PRELID2: variants seen among roughly 807,000 people sequenced by gnomAD.
The protein encoded by PRELID2 is PRELI domain containing 2.
Under a neutral mutation model 28.4 loss-of-function variants are expected in PRELID2, and 25 were observed. The ratio of observed to expected loss-of-function variants is 0.88; its 90% CI spans 0.64 to 1.23. The LOEUF is 1.23. Among genes scored for constraint, PRELID2 ranks in the 50% most tolerant of loss-of-function variants. The pLI is 0.00. For synonymous variants in PRELID2, 76 were observed against 71.6 expected, an observed-to-expected ratio of 1.06 and a Z score of -0.31; for missense variants, 201 against 214.4, an observed-to-expected ratio of 0.94 and a Z score of 0.39.
intron 1 of PRELID2, among the ~76,000 whole-genome samples, chr5:145,595,001 G>A (rs2149633554): frequency 6.6e-6 from 1 of 152,086 alleles, no homozygotes; most frequent in South Asian, 2.1e-4. Context: ...GGTGGCGGGT[G>A]CCTATAATCC....
chr5:145,640,478 A>AC (rs1455708681), intron 1 of PRELID2, among the ~76,000 whole-genome samples: 1 of 141,734 alleles, frequency 7.1e-6, no homozygotes, highest in African/African-American at 2.6e-5. Context: ...TCCGTCTCAA[A>AC]AAAAAAAAAA....
intron 5 of PRELID2, among the ~76,000 whole-genome samples, chr5:145,781,436 A>G (rs932555294): frequency 3.9e-5 from 6 of 151,976 alleles, no homozygotes; most frequent in African/African-American, 1.4e-4. Flanking sequence ...AATTCAACAC[A>G]AAGAGCCTAG....
At chr5:145,339,677 A>C in the PRELID2 span, among the ~76,000 whole-genome samples, 1 of 152,134 alleles carries the variant, frequency 6.6e-6, no homozygotes, top group African/African-American at 2.4e-5. Context: ...AAAAAATCCC[A>C]CTGCTGCCAG....
chr5:145,648,939 G>A (rs1754242216), intron 1 of PRELID2, among the ~76,000 whole-genome samples: 1 of 151,914 alleles, frequency 6.6e-6, no homozygotes, highest in African/African-American at 2.4e-5. Context: ...ATGATGCTGT[G>A]AGAGTGATAA....
the PRELID2 span, among the ~76,000 whole-genome samples, chr5:145,369,593 C>T: frequency 6.6e-6 from 1 of 151,932 alleles, no homozygotes; most frequent in Non-Finnish European, 1.5e-5. Flanking sequence ...TATGTGAATG[C>T]ATCTTTATAG....
intron 5 of PRELID2, among the ~76,000 whole-genome samples, chr5:145,791,555 T>C (rs778112151): frequency 2.0e-5 from 3 of 152,138 alleles, no homozygotes; most frequent in Non-Finnish European, 4.4e-5. Context: ...AGAATGGTGG[T>C]TGCCAGGGGC....
At chr5:145,350,539 G>A in the PRELID2 span, among the ~76,000 whole-genome samples, 1 of 152,180 alleles carries the variant, frequency 6.6e-6, no homozygotes, top group Non-Finnish European at 1.5e-5. Flanking sequence ...CCCATCCACG[G>A]AGACTGGAAA....
chr5:145,498,034 T>C (rs1752323400), intron 1 of PRELID2, among the ~76,000 whole-genome samples: 1 of 152,298 alleles, frequency 6.6e-6, no homozygotes. Flanking sequence ...AAAGCCTCCC[T>C]CTGTGGGCAC....
chr5:145,713,133 T>C (rs1168917125), intron 1 of PRELID2, among the ~76,000 whole-genome samples: 6 of 151,628 alleles, frequency 4.0e-5, no homozygotes, highest in Admixed American at 3.3e-4. Flanking sequence ...ATTAATATAA[T>C]GATTACAATC....
At chr5:145,650,484 G>A (rs1013437545) in intron 1 of PRELID2, among the ~76,000 whole-genome samples, 16 of 140,200 alleles carry the variant, frequency 1.1e-4, no homozygotes, top group Admixed American at 7.7e-5. Context: ...ACCAGAAGCA[G>A]AATACTGCTA....
chr5:145,834,919 C>T, intron 1 of PRELID2: 1 of 406,792 alleles, frequency 2.5e-6, no homozygotes, highest in Non-Finnish European at 4.4e-6. Flanking sequence ...AGCTGGGATT[C>T]CCGGAGGCTC....
chr5:145,491,656 C>T (rs1201955501), intron 1 of PRELID2, among the ~76,000 whole-genome samples: 1 of 151,986 alleles, frequency 6.6e-6, no homozygotes, highest in Non-Finnish European at 1.5e-5. Flanking sequence ...ACATATTTCT[C>T]CTATCTAACT....
At chr5:145,255,900 T>C in the PRELID2 span, among the ~76,000 whole-genome samples, 11,751 of 151,632 alleles carry the variant, frequency 0.077, 1,088 homozygotes, top group African/African-American at 0.21. Flanking sequence ...AGTCCCAGAA[T>C]ACATAAAGAA....
the PRELID2 span, among the ~76,000 whole-genome samples, chr5:145,443,555 G>C: frequency 6.6e-6 from 1 of 152,084 alleles, no homozygotes; most frequent in Non-Finnish European, 1.5e-5. Flanking sequence ...TTCTAAAAAT[G>C]AAGCCTAGGG....
At chr5:145,627,097 C>CAAAAAAAAAAAAAAAAAA (rs745309247) in intron 1 of PRELID2, among the ~76,000 whole-genome samples, 2 of 41,826 alleles carry the variant, frequency 4.8e-5, no homozygotes, top group African/African-American at 7.4e-5. Flanking sequence ...AAGACTCTCC[C>CAAAAAAAAAAAAAAAAAA]AAAAAAAAAA....
chr5:145,379,853 A>G, the PRELID2 span, among the ~76,000 whole-genome samples: 1 of 152,098 alleles, frequency 6.6e-6, no homozygotes, highest in African/African-American at 2.4e-5. Flanking sequence ...AGAGCACTCA[A>G]GACTGCCCTT....
At chr5:145,802,893 C>A (rs770870329) in intron 4 of PRELID2, among the ~76,000 whole-genome samples, 2 of 152,122 alleles carry the variant, frequency 1.3e-5, no homozygotes, top group Non-Finnish European at 2.9e-5. Flanking sequence ...AGGAATTAAT[C>A]CCCAGAGCAC....
At chr5:145,792,179 G>A (rs896872360) in intron 5 of PRELID2, among the ~76,000 whole-genome samples, 3 of 152,158 alleles carry the variant, frequency 2.0e-5, no homozygotes, top group African/African-American at 7.2e-5. Flanking sequence ...ATGCAGCACT[G>A]TGATGCAGAA....
At chr5:145,527,567 T>C (rs1752619450) in intron 1 of PRELID2, among the ~76,000 whole-genome samples, 1 of 152,244 alleles carries the variant, frequency 6.6e-6, no homozygotes, top group South Asian at 2.1e-4. Flanking sequence ...TCTGAAATTC[T>C]GAATTTCTAT....
Sources: allele counts gnomAD v4.1 joint callset (sites outside exome capture counted in the v4.1 genomes callset), GRCh38; gene constraint gnomAD v4.1.1; transcripts MANE v1.5; gene names NCBI Gene and HGNC (gene_info 2026-07-23, HGNC 2026-07-21).